KCNH5: variants seen among roughly 807,000 people sequenced by gnomAD.
KCNH5 encodes voltage-gated delayed rectifier potassium channel KCNH5.
A neutral mutation model predicts 96.1 loss-of-function variants in KCNH5; 46 were observed. The ratio of observed to expected loss-of-function variants is 0.48; its 90% CI spans 0.38 to 0.61. The LOEUF (loss-of-function observed/expected upper bound fraction) is 0.61. Among genes scored for constraint, KCNH5 ranks in the 20% least tolerant of loss-of-function variants. The pLI is 0.00. For synonymous variants in KCNH5, 439 were observed against 449.8 expected, an observed-to-expected ratio of 0.98 and a Z score of 0.30; for missense variants, 907 against 1,225.8, an observed-to-expected ratio of 0.74 and a Z score of 3.88.
chr14:62,786,966 A>G (rs1471516939), intron 9 of KCNH5, among the ~76,000 whole-genome samples: 1 of 152,148 alleles, frequency 6.6e-6, no homozygotes, highest in East Asian at 1.9e-4. Context: ...CTGAGACACA[A>G]TAATATCGAA....
intron 1 of KCNH5, among the ~76,000 whole-genome samples, chr14:63,028,706 C>T (rs1004521271): frequency 1.3e-5 from 2 of 152,068 alleles, no homozygotes; most frequent in Non-Finnish European, 2.9e-5. Flanking sequence ...TCCTGTTAGA[C>T]TGGAAGCAGA....
At chr14:62,712,089 G>T (rs373132935) in intron 10 of KCNH5, among the ~76,000 whole-genome samples, 2 of 152,136 alleles carry the variant, frequency 1.3e-5, no homozygotes, top group African/African-American at 4.8e-5. Flanking sequence ...AGAAAGAGGG[G>T]GTCATGAGGC....
intron 4 of KCNH5, among the ~76,000 whole-genome samples, chr14:62,993,829 A>G (rs1242144000): frequency 6.6e-6 from 1 of 152,066 alleles, no homozygotes; most frequent in East Asian, 1.9e-4. Flanking sequence ...CTGATTATTC[A>G]GCAAAGTTTG....
intron 10 of KCNH5, among the ~76,000 whole-genome samples, chr14:62,709,321 C>A (rs933669989): frequency 2.0e-5 from 3 of 146,698 alleles, no homozygotes; most frequent in African/African-American, 7.5e-5. Context: ...TGAAAACTTA[C>A]ACAGTTTAGC....
chr14:62,755,448 C>T (rs1359352076), intron 10 of KCNH5, among the ~76,000 whole-genome samples: 3 of 152,014 alleles, frequency 2.0e-5, no homozygotes, highest in Non-Finnish European at 4.4e-5. Context: ...AAAAAGTCTC[C>T]CAGCAAAAAA....
At chr14:62,962,052 T>C (rs1218384883) in intron 6 of KCNH5, among the ~76,000 whole-genome samples, 1 of 147,294 alleles carries the variant, frequency 6.8e-6, no homozygotes, top group Non-Finnish European at 1.5e-5. Context: ...GAGACGGAGA[T>C]GGAGAGAAGA....
chr14:63,035,316 A>G (rs1307536155), intron 1 of KCNH5, among the ~76,000 whole-genome samples: 1 of 152,230 alleles, frequency 6.6e-6, no homozygotes, highest in East Asian at 1.9e-4. Context: ...AAAAACTTCA[A>G]TTAAAAAGCT....
At chr14:62,772,693 T>G (rs1439193738) in intron 10 of KCNH5, among the ~76,000 whole-genome samples, 2 of 151,880 alleles carry the variant, frequency 1.3e-5, no homozygotes, top group Admixed American at 1.3e-4. Flanking sequence ...TTTTTATCTT[T>G]CTATGTATTT....
intron 7 of KCNH5, among the ~76,000 whole-genome samples, chr14:62,855,626 G>A (rs1887912315): frequency 6.6e-6 from 1 of 152,200 alleles, no homozygotes; most frequent in South Asian, 2.1e-4. Flanking sequence ...AGGTCCTGGA[G>A]GAAGAGGGTA....
At chr14:62,785,510 A>G (rs185593702) in intron 9 of KCNH5, among the ~76,000 whole-genome samples, 17 of 152,334 alleles carry the variant, frequency 1.1e-4, no homozygotes, top group African/African-American at 3.6e-4. Flanking sequence ...AGTCTCTGCT[A>G]TAAACATTTT....
At chr14:62,870,899 C>T (rs1217867128) in intron 7 of KCNH5, among the ~76,000 whole-genome samples, 1 of 152,140 alleles carries the variant, frequency 6.6e-6, no homozygotes, top group Non-Finnish European at 1.5e-5. Context: ...GTTATGAAGT[C>T]AAGATTCCAA....
intron 1 of KCNH5, among the ~76,000 whole-genome samples, chr14:63,043,299 C>G (rs1213009907): frequency 6.6e-6 from 1 of 152,094 alleles, no homozygotes; most frequent in South Asian, 2.1e-4. Flanking sequence ...AATCGTAACC[C>G]TGCAGATTTT....
intron 7 of KCNH5, among the ~76,000 whole-genome samples, chr14:62,903,407 G>C (rs117253734): frequency 6.6e-6 from 1 of 152,234 alleles, no homozygotes; most frequent in East Asian, 1.9e-4. Flanking sequence ...CCAATACAGC[G>C]ACTGTCCATT....
intron 6 of KCNH5, among the ~76,000 whole-genome samples, chr14:62,968,441 C>T (rs1043802251): frequency 3.9e-5 from 6 of 152,136 alleles, no homozygotes; most frequent in African/African-American, 1.2e-4. Context: ...GAGGCTTAAC[C>T]CTAGGGTAAT....
At chr14:62,976,520 A>G (rs1890503438) in intron 6 of KCNH5, among the ~76,000 whole-genome samples, 1 of 152,164 alleles carries the variant, frequency 6.6e-6, no homozygotes, top group Non-Finnish European at 1.5e-5. Flanking sequence ...AAATCATAAT[A>G]GGAAAAAATA....
At chr14:62,917,991 A>G (rs1213734358) in intron 7 of KCNH5, among the ~76,000 whole-genome samples, 7 of 152,120 alleles carry the variant, frequency 4.6e-5, no homozygotes, top group Non-Finnish European at 1.0e-4. Flanking sequence ...CTGCTGTTCC[A>G]TCTGTCTAAA....
At chr14:62,734,546 C>T (rs938703526) in intron 10 of KCNH5, among the ~76,000 whole-genome samples, 2 of 152,126 alleles carry the variant, frequency 1.3e-5, no homozygotes, top group Non-Finnish European at 2.9e-5. Context: ...ACCATCATTT[C>T]TTTCCAGGAA....
At chr14:62,842,903 T>C (rs901367546) in intron 8 of KCNH5, among the ~76,000 whole-genome samples, 3 of 152,192 alleles carry the variant, frequency 2.0e-5, no homozygotes, top group Non-Finnish European at 4.4e-5. Context: ...AAATTGTAAA[T>C]GAGATGTAAT....
intron 10 of KCNH5, among the ~76,000 whole-genome samples, chr14:62,760,282 A>T (rs1424784826): frequency 3.9e-5 from 6 of 152,180 alleles, no homozygotes; most frequent in African/African-American, 1.2e-4. Flanking sequence ...CTAACTTTCA[A>T]AGGACCCGTG....
Sources: gnomAD v4.1 joint callset for allele counts (sites outside exome capture counted in the v4.1 genomes callset) on GRCh38, gnomAD v4.1.1 for gene constraint, MANE v1.5 for transcripts, NCBI Gene and HGNC (gene_info 2026-07-23, HGNC 2026-07-21) for gene names.